The following RFX2 variants were observed in gnomAD, a reference collection of about 807,000 sequenced individuals.
RFX2 encodes DNA-binding protein RFX2.
RFX2 carries 20 observed loss-of-function variants against 87.8 expected under a neutral mutation model. The observed-to-expected ratio is 0.23, with a 90% CI of 0.16 to 0.33. The LOEUF (loss-of-function observed/expected upper bound fraction) is 0.33, where lower values mean the gene tolerates loss of function less well. RFX2 is among the 10% of genes least tolerant of loss of function. The pLI, the probability that RFX2 is intolerant of heterozygous loss-of-function variation, is 1.00. For synonymous variants in RFX2, 397 were observed against 431.3 expected (o/e 0.92, Z 0.98); for missense variants, 767 against 1,012.3 (o/e 0.76, Z 3.29).
chr19:6,046,930 AT>A (rs558543579), intron 2 of RFX2, among the ~76,000 whole-genome samples: 14,376 of 137,164 alleles, frequency 0.1, 2,238 homozygotes, highest in African/African-American at 0.35. Flanking sequence ...CGCTTGGCTA[AT>A]TTTTTTTTTT....
At chr19:6,073,784 G>C (rs1044633128) in intron 1 of RFX2, among the ~76,000 whole-genome samples, 6 of 152,174 alleles carry the variant, frequency 3.9e-5, no homozygotes, top group African/African-American at 1.4e-4. Flanking sequence ...GTTAAGATGA[G>C]GTTGAATGCG....
At position 6,026,693 on chromosome 19, in the gene RFX2, G is replaced by A; in HGVS notation, c.523-456C>T. On this transcript the variant is annotated intron_variant, in intron 5 of 17. Coordinates refer to ENST00000303657, the MANE Select transcript of RFX2 (RefSeq NM_000635.4). The surrounding 1 kb of genome is among the most constrained non-coding windows in gnomAD (Gnocchi z 4.5). ...CTTGACTCCCCAGCCAGGCTGTCCT[G>A]TCGCAAATCCCAGGGTCTCCCCGCT... is the stretch of plus-strand genomic sequence containing the variant. 5.3e-6 allele frequency: 1 copy of A among 188,348 alleles called. No homozygotes were observed. Among genetic ancestry groups the A allele is most frequent in the Non-Finnish European group, 1.1e-5 (1 of 90,206 alleles). 11.7% of individuals were successfully genotyped at this position (188,348 alleles called of 1,614,324 possible).
At position 6,020,064 on chromosome 19, in the gene RFX2, G is replaced by A. The variant is rs2086789201; in HGVS notation, c.598-3793C>T. ...GTCCTCCACAGGCAGCAGGAGCCAAGGCCAGTGACACCACATCTCAAGGAG... is the reference window on the plus strand; with the variant it reads ...GTCCTCCACAGGCAGCAGGAGCCAAAGCCAGTGACACCACATCTCAAGGAG... On this transcript the variant is annotated intron_variant, in intron 6 of 17. Transcript: ENST00000303657. This position sits in a 1 kb window ranked among gnomAD's most constrained non-coding sequence, Gnocchi z 5.3. 6.6e-6 allele frequency: 1 copy of A among 152,238 alleles called. No homozygotes were observed. The highest frequency in any genetic ancestry group is 6.5e-5 in the Admixed American group (1 of 15,286). The allele number at this position is 152,238 out of a possible 1,614,324, so 9.4% of individuals were successfully genotyped here. A position where few individuals can be genotyped will look rare whatever the true frequency, so the allele number is the denominator to read the frequency against.
chr19:6,099,515 A>ATT (rs565382038), intron 1 of RFX2, among the ~76,000 whole-genome samples: 1 of 146,426 alleles, frequency 6.8e-6, no homozygotes, highest in Non-Finnish European at 1.5e-5. Flanking sequence ...GGGCTGCGTG[A>ATT]TTTTTTTTTT....
At chr19:6,053,173 G>C (rs944569952) in intron 1 of RFX2, among the ~76,000 whole-genome samples, 1 of 152,104 alleles carries the variant, frequency 6.6e-6, no homozygotes, top group Non-Finnish European at 1.5e-5. Context: ...GAAGAAGAAA[G>C]GAGCTATCAA....
Position 5,994,478 on chromosome 19 carries a change from C to T in RFX2, c.*357G>A, listed in dbSNP as rs1009734339. ...AATTGGTTCCAGTTGAGTGCAGAGG[C>T]CAGTGCTCTCAGCACAGCCCTTTCA... On this transcript the variant is annotated 3_prime_UTR_variant, in exon 18 of 18. Transcript: ENST00000303657. 5 of 226,594 alleles carry T rather than the reference C, an allele frequency of 2.2e-5. No homozygotes were observed. Among genetic ancestry groups the T allele is most frequent in the African/African-American group, 4.5e-5 (2 of 44,576 alleles). 14.0% of individuals were successfully genotyped at this position (226,594 alleles called of 1,614,324 possible). A position where few individuals can be genotyped will look rare whatever the true frequency, so the allele number is the denominator to read the frequency against.
Position 5,995,542 on chromosome 19 carries a change from C to A in RFX2, c.2056+59G>T, listed in dbSNP as rs568779361. The A allele has an allele frequency of 8.0e-5, 120 of 1,507,382 alleles. No individual in the cohort carries two copies. The East Asian group carries it at 2.1e-3, about 27-fold the overall frequency. The allele number at this position is 1,507,382 out of a possible 1,614,324, so 93.4% of individuals were successfully genotyped here. A position where few individuals can be genotyped will look rare whatever the true frequency, so the allele number is the denominator to read the frequency against. ...ATCATGAGATGGGGCAGACAGGCCA[C>A]GGCCAGGAGTACCACCCTCCTGGGA... On this transcript the variant is annotated intron_variant, in intron 17 of 17. Coordinates refer to ENST00000303657, the MANE Select transcript of RFX2 (RefSeq NM_000635.4).
chr19:6,099,166 G>A (rs540143378), intron 1 of RFX2, among the ~76,000 whole-genome samples: 14 of 152,154 alleles, frequency 9.2e-5, no homozygotes, highest in Non-Finnish European at 2.1e-4. Flanking sequence ...TGAAATCTTT[G>A]AAAAGTTCCA....
chr19:6,047,773 C>T lies in RFX2; in HGVS notation c.-8-269G>A, dbSNP rs909702044. ...GCGCACAATGGCAGGAATTCCTCAA[C>T]AGAAGGCCGGGACACTGGCTCTGTG... On this transcript the variant is annotated intron_variant, in intron 1 of 17. Coordinates refer to ENST00000303657, the MANE Select transcript of RFX2 (RefSeq NM_000635.4). The surrounding 1 kb of genome is among the most constrained non-coding windows in gnomAD (Gnocchi z 4.2). Among the ~76,000 whole-genome samples, 1 of 152,234 alleles carries T rather than the reference C, an allele frequency of 6.6e-6. No homozygotes were observed. The highest frequency in any genetic ancestry group is 6.5e-5 in the Admixed American group (1 of 15,292).
intron 1 of RFX2, chr19:6,048,992 A>T (rs1204407375): frequency 6.7e-6 from 1 of 149,274 alleles, no homozygotes; most frequent in Non-Finnish European, 1.5e-5. Context: ...AGATGGCCCC[A>T]GAGCCACACG....
At chr19:6,092,375 G>C (rs956431679) in intron 1 of RFX2, among the ~76,000 whole-genome samples, 1 of 152,188 alleles carries the variant, frequency 6.6e-6, no homozygotes, top group Non-Finnish European at 1.5e-5. Flanking sequence ...TGGGACGGAG[G>C]GTGGCCCCGC....
At position 6,006,915 on chromosome 19, in the gene RFX2, G is replaced by A. The variant is rs368869766; in HGVS notation, c.1402+97C>T. 34 of 1,414,356 alleles carry A rather than the reference G, an allele frequency of 2.4e-5. No homozygotes were observed. The East Asian group carries it at 4.1e-4, about 17-fold the overall frequency. The allele number at this position is 1,414,356 out of a possible 1,614,324, so 87.6% of individuals were successfully genotyped here. ...CCACTTTTGGGTTTTCTGTGAAAGC[G>A]ATGGTCTGAGGTGGCTGAAGACGTA... On this transcript the variant is annotated intron_variant, in intron 12 of 17. Coordinates refer to ENST00000303657, the MANE Select transcript of RFX2 (RefSeq NM_000635.4).
In RFX2 at chr19:6,001,705, G is replaced by C; in HGVS notation, c.1859+110C>G. On this transcript the variant is annotated intron_variant, in intron 15 of 17. Coordinates refer to ENST00000303657, the MANE Select transcript of RFX2 (RefSeq NM_000635.4). The surrounding 1 kb of genome is among the most constrained non-coding windows in gnomAD (Gnocchi z 5.6). The stretch of plus-strand genomic sequence containing the variant: ...CGGGTTCAGACACTGCTGCAACTCT[G>C]CTGAGCCCTGTTTTGCTCTGAGCTC... The C allele has an allele frequency of 2.2e-6, 2 of 927,074 alleles. No homozygotes were observed. The highest frequency in any genetic ancestry group is 3.6e-5 in the South Asian group (2 of 56,062). 57.4% of individuals were successfully genotyped at this position (927,074 alleles called of 1,614,324 possible). A position where few individuals can be genotyped will look rare whatever the true frequency, so the allele number is the denominator to read the frequency against.
chr19:6,102,834 G>A (rs902861340), intron 1 of RFX2, among the ~76,000 whole-genome samples: 6 of 152,202 alleles, frequency 3.9e-5, no homozygotes, highest in Non-Finnish European at 7.3e-5. Flanking sequence ...AATACAAGAA[G>A]CCTCTTATGG....
At chr19:6,029,236 C>A (rs1448722435) in intron 5 of RFX2, among the ~76,000 whole-genome samples, 4 of 149,350 alleles carry the variant, frequency 2.7e-5, no homozygotes, top group Non-Finnish European at 4.4e-5. Context: ...TCCAGTTTTC[C>A]ACAAAAATTA....
Position 6,026,050 on chromosome 19 carries a change from G to C in RFX2, c.597+113C>G. 1.2e-6 allele frequency: 1 copy of C among 857,708 alleles called. No homozygotes were observed. Among genetic ancestry groups the C allele is most frequent in the African/African-American group, 1.7e-5 (1 of 58,598 alleles). The allele number at this position is 857,708 out of a possible 1,614,324, so 53.1% of individuals were successfully genotyped here. On this transcript the variant is annotated intron_variant, in intron 6 of 17. Coordinates refer to ENST00000303657, the MANE Select transcript of RFX2 (RefSeq NM_000635.4). The surrounding 1 kb of genome is among the most constrained non-coding windows in gnomAD (Gnocchi z 4.5). ...TCCACCCGCCTTGGCCTCCCAAAGT[G>C]CTGGGATTACAGGTGTGAGCCACCG...
chr19:6,073,310 TG>T, intron 1 of RFX2: 1 of 1,195,978 alleles, frequency 8.4e-7, no homozygotes, highest in Non-Finnish European at 1.2e-6. Flanking sequence ...ACACTGGTCA[TG>T]GGAGCAACAA....
chr19:6,043,204 C>A (rs2087136012), intron 3 of RFX2, among the ~76,000 whole-genome samples: 1 of 152,240 alleles, frequency 6.6e-6, no homozygotes, highest in Admixed American at 6.5e-5. Flanking sequence ...GTGGTGGAAG[C>A]TTCTGGAATC....
intron 1 of RFX2, among the ~76,000 whole-genome samples, chr19:6,082,583 C>A (rs1238550543): frequency 2.0e-5 from 3 of 152,150 alleles, no homozygotes; most frequent in Non-Finnish European, 4.4e-5. Flanking sequence ...CAGGCGTGCA[C>A]CACCACTCTC....
Sources: allele counts gnomAD v4.1 joint callset (sites outside exome capture counted in the v4.1 genomes callset), GRCh38; gene constraint gnomAD v4.1.1; non-coding constraint Gnocchi (gnomAD v3.1); transcripts MANE v1.5; gene names NCBI Gene and HGNC (gene_info 2026-07-23, HGNC 2026-07-21).